Variants in LOXHD1 observed in about 807,000 individuals in gnomAD.
The protein encoded by LOXHD1 is lipoxygenase homology domain-containing protein 1.
Under a neutral mutation model 248.2 loss-of-function variants are expected in LOXHD1, and 205 were observed. That is an observed-to-expected ratio of 0.83 (90% CI 0.74 to 0.93). The LOEUF (loss-of-function observed/expected upper bound fraction) is 0.93. Ranked by LOEUF, LOXHD1 falls within the 40% of genes least tolerant of loss-of-function variation. The pLI, the probability that LOXHD1 is intolerant of heterozygous loss-of-function variation, is 0.00. For missense variants in LOXHD1, 2,930 were observed against 2,971.6 expected (o/e 0.99, Z 0.33); for synonymous variants, 1,113 against 1,162.8 (o/e 0.96, Z 0.87).
chr18:46,591,463 G>C (rs1448351138), intron 12 of LOXHD1, among the ~76,000 whole-genome samples: 2 of 152,192 alleles, frequency 1.3e-5, no homozygotes, highest in Non-Finnish European at 2.9e-5. Flanking sequence ...TTTGAATGTG[G>C]CTCCTGGATT....
intron 37 of LOXHD1, among the ~76,000 whole-genome samples, chr18:46,500,688 C>T (rs1351842186): frequency 6.6e-6 from 1 of 152,214 alleles, no homozygotes; most frequent in Non-Finnish European, 1.5e-5. Flanking sequence ...CAATATTATG[C>T]ATGGCCTGGT....
rs777063467 is a variant in LOXHD1 at position 46,593,553 on chromosome 18, C to T, written c.1431+47G>A. The T allele has an allele frequency of 2.1e-5, 32 of 1,543,134 alleles. No individual in the cohort carries two copies. In the South Asian group the frequency reaches 2.8e-4, roughly 13 times the overall value. On this transcript the variant is annotated intron_variant, in intron 10 of 40. Coordinates refer to ENST00000642948, the MANE Select transcript of LOXHD1 (RefSeq NM_001384474.1). ...CAGAATCCCCAGGACGAATGCCCTA[C>T]ATCCCTTCCTCCTTTCTCCCTCCCA...
chr18:46,493,462 A>ATATT (rs1459326358), intron 37 of LOXHD1, among the ~76,000 whole-genome samples: 1 of 152,230 alleles, frequency 6.6e-6, no homozygotes, highest in Non-Finnish European at 1.5e-5. Context: ...TTTGTAACCT[A>ATATT]TCCACCTCTA....
intron 4 of LOXHD1, among the ~76,000 whole-genome samples, chr18:46,619,881 A>G (rs1378787754): frequency 6.6e-6 from 1 of 152,134 alleles, no homozygotes; most frequent in East Asian, 1.9e-4. Flanking sequence ...CTTGTCCCTA[A>G]CTGAGAGCTC....
intron 4 of LOXHD1, among the ~76,000 whole-genome samples, chr18:46,629,488 G>A (rs745308463): frequency 8.6e-5 from 13 of 152,028 alleles, no homozygotes; most frequent in East Asian, 7.7e-4. Context: ...TTTGCAGGGC[G>A]GTACAATTTG....
At chr18:46,599,222 C>T (rs2038301045) in intron 8 of LOXHD1, among the ~76,000 whole-genome samples, 1 of 152,112 alleles carries the variant, frequency 6.6e-6, no homozygotes, top group Non-Finnish European at 1.5e-5. Context: ...GCTTCCAAAA[C>T]TTTCTTAATG....
intron 40 of LOXHD1, among the ~76,000 whole-genome samples, chr18:46,479,141 T>G (rs1356473120): frequency 1.3e-5 from 2 of 151,984 alleles, no homozygotes; most frequent in African/African-American, 4.8e-5. Flanking sequence ...GAGTGACAAT[T>G]TTAGGCAAAA....
chr18:46,573,268 C>T (rs944625447), intron 14 of LOXHD1, among the ~76,000 whole-genome samples: 17 of 152,210 alleles, frequency 1.1e-4, no homozygotes, highest in Middle Eastern at 3.4e-3. Context: ...GGTCCCAGCT[C>T]TCGGCTGGTC....
In LOXHD1 at chr18:46,477,830, T is replaced by C. The variant is rs1216671507; in HGVS notation, c.6464A>G (p.Lys2155Arg). Residue 2155 changes from lysine to arginine, a missense_variant, in exon 41 of 41, where the codon AAG (lysine) becomes AGG (arginine). Lys to Arg is a conservative substitution (Grantham distance 26). Transcript: ENST00000642948. ...ASKVQSLVPV[K>R]YEVIVTTGYE... ...GCCTGTTGTCACGATGACTTCGTAC[T>C]TGACGGGCACCAGGCTCTGGACCTT... 4 of 1,551,860 alleles carry C rather than the reference T, an allele frequency of 2.6e-6. No homozygotes were observed. Among genetic ancestry groups the C allele is most frequent in the Non-Finnish European group, 3.5e-6 (4 of 1,147,020 alleles).
intron 37 of LOXHD1, 21 bp downstream of exon 37, chr18:46,505,817 C>G (rs1226109138): frequency 6.4e-7 from 1 of 1,551,422 alleles, no homozygotes; most frequent in Non-Finnish European, 8.7e-7. Flanking sequence ...TCCCACCAAC[C>G]TGGCCTTGAG....
Position 46,559,692 on chromosome 18 carries a change from T to TA in LOXHD1, c.3062-91dup, listed in dbSNP as rs1383513154. The stretch of plus-strand genomic sequence containing the variant: ...CAGCCTCTCAGATCCAGCCAGATCC[T>TA]AGAACAGAGGGATCTTCAGATGCAT... On this transcript the variant is annotated intron_variant, in intron 19 of 40. Transcript: ENST00000642948. 26 of 1,374,704 alleles carry TA rather than the reference T, an allele frequency of 1.9e-5. 2 individuals are homozygous for TA. The highest frequency in any genetic ancestry group is 3.7e-4 in the Middle Eastern group (2 of 5,420). The allele number at this position is 1,374,704 out of a possible 1,614,324, so 85.2% of individuals were successfully genotyped here.
At chr18:46,579,427 C>T (rs183064683) in intron 13 of LOXHD1, among the ~76,000 whole-genome samples, 85 of 152,280 alleles carry the variant, frequency 5.6e-4, no homozygotes, top group Non-Finnish European at 1.0e-3. Flanking sequence ...ACTCAGGAAC[C>T]AAATACACTA....
At chr18:46,512,186 C>A (rs2035001875) in intron 34 of LOXHD1, among the ~76,000 whole-genome samples, 1 of 152,134 alleles carries the variant, frequency 6.6e-6, no homozygotes, top group Non-Finnish European at 1.5e-5. Context: ...TGCACTTCCC[C>A]AATTACCCCT....
intron 20 of LOXHD1, 112 bp downstream of exon 20, chr18:46,559,336 C>T: frequency 1.3e-6 from 2 of 1,548,088 alleles, no homozygotes; most frequent in Non-Finnish European, 1.7e-6. Context: ...GTGGGATGAA[C>T]AAGTCACACT....
rs138763912 is a variant in LOXHD1 at position 46,487,002 on chromosome 18, G to C, written c.6050-1851C>G. Among the ~76,000 whole-genome samples, 867 of 152,316 alleles carry C rather than the reference G, an allele frequency of 5.7e-3. 7 individuals carry two copies. Among genetic ancestry groups the C allele is most frequent in the African/African-American group, 0.019 (807 of 41,566 alleles). On this transcript the variant is annotated intron_variant, in intron 38 of 40. Transcript: ENST00000642948. ...GGCATGATTCCCAACTTTGTTCACA[G>C]GTTGCTGGGAAGGAACAGATGAAAG...
intron 26 of LOXHD1, among the ~76,000 whole-genome samples, chr18:46,537,205 A>G (rs1692321853): frequency 1.3e-5 from 2 of 152,104 alleles, no homozygotes; most frequent in Admixed American, 1.3e-4. Context: ...TTGCTTGTCT[A>G]CTGCAGTAGC....
chr18:46,620,585 G>C (rs917175847), intron 4 of LOXHD1, among the ~76,000 whole-genome samples: 1 of 152,180 alleles, frequency 6.6e-6, no homozygotes, highest in Non-Finnish European at 1.5e-5. Flanking sequence ...AGTATCTAAG[G>C]CTATTCAACA....
intron 7 of LOXHD1, 109 bp from the exon 8 acceptor site, chr18:46,601,576 C>T: frequency 7.0e-7 from 1 of 1,422,258 alleles, no homozygotes. Flanking sequence ...TCCTCCTCCA[C>T]ACATCCTCTT....
intron 26 of LOXHD1, among the ~76,000 whole-genome samples, chr18:46,537,525 T>G (rs2036364985): frequency 6.6e-6 from 1 of 152,124 alleles, no homozygotes; most frequent in Non-Finnish European, 1.5e-5. Context: ...CCCCTTCTCT[T>G]GTGTCTCCCA....
Sources: gnomAD v4.1 joint callset for allele counts (sites outside exome capture counted in the v4.1 genomes callset) on GRCh38, gnomAD v4.1.1 for gene constraint, MANE v1.5 for transcripts, NCBI Gene and HGNC (gene_info 2026-07-23, HGNC 2026-07-21) for gene names.